The following ROCK2 variants were observed in gnomAD, a reference collection of about 807,000 sequenced individuals.
The protein encoded by ROCK2 is Rho associated coiled-coil containing protein kinase 2, also known as rho-associated protein kinase 2.
A neutral mutation model predicts 195.1 loss-of-function variants in ROCK2; 61 were observed. The observed-to-expected ratio is 0.31, with a 90% CI of 0.25 to 0.39. ROCK2 has a LOEUF of 0.39. Among genes scored for constraint, ROCK2 ranks in the 10% least tolerant of loss-of-function variants. The pLI, the probability that ROCK2 is intolerant of heterozygous loss-of-function variation, is 1.00. For synonymous variants in ROCK2, 504 were observed against 545.5 expected (o/e 0.92, Z 1.06); for missense variants, 1,109 against 1,637.4 (o/e 0.68, Z 5.57).
chr2:11,186,321 T>C (rs1341196628), intron 32 of ROCK2, among the ~76,000 whole-genome samples: 2 of 152,164 alleles, frequency 1.3e-5, no homozygotes, highest in Non-Finnish European at 2.9e-5. Flanking sequence ...GCCTCAGCTT[T>C]AGCATAGGTT....
intron 3 of ROCK2, among the ~76,000 whole-genome samples, chr2:11,251,376 T>C (rs866575632): frequency 2.0e-4 from 31 of 152,382 alleles, no homozygotes; most frequent in African/African-American, 7.2e-4. Context: ...CCAGGCACTG[T>C]GTGTTTTGAT....
At chr2:11,325,311 T>TG (rs1489959869) in intron 1 of ROCK2, among the ~76,000 whole-genome samples, 3 of 152,218 alleles carry the variant, frequency 2.0e-5, no homozygotes, top group Admixed American at 1.3e-4. Flanking sequence ...ACAGGGGTCT[T>TG]GGGGTCTTGG....
At chr2:11,226,430 CTG>C (rs764519942) in intron 6 of ROCK2, among the ~76,000 whole-genome samples, 3 of 152,178 alleles carry the variant, frequency 2.0e-5, no homozygotes, top group Non-Finnish European at 2.9e-5. Context: ...ATGGTAAACA[CTG>C]TATTTATAAT....
At chr2:11,225,949 A>T (rs552674488) in intron 6 of ROCK2, among the ~76,000 whole-genome samples, 2 of 152,338 alleles carry the variant, frequency 1.3e-5, no homozygotes, top group East Asian at 3.9e-4. Flanking sequence ...GCCACAAAAA[A>T]GTTCAAGAGT....
chr2:11,274,889 ATT>A (rs1479747503), intron 3 of ROCK2, among the ~76,000 whole-genome samples: 2 of 152,166 alleles, frequency 1.3e-5, no homozygotes, highest in African/African-American at 4.8e-5. Flanking sequence ...CTATATATAT[ATT>A]ATGTTTTTTC....
intron 4 of ROCK2, among the ~76,000 whole-genome samples, chr2:11,247,093 G>T (rs1665643077): frequency 6.6e-6 from 1 of 152,150 alleles, no homozygotes; most frequent in Admixed American, 6.5e-5. Context: ...CTAGGTGAAA[G>T]ATGTCACAAA....
intron 1 of ROCK2, among the ~76,000 whole-genome samples, chr2:11,288,498 A>G (rs1667266703): frequency 2.0e-5 from 3 of 152,194 alleles, no homozygotes; most frequent in African/African-American, 7.2e-5. Context: ...GAAGAAACAA[A>G]TTAAGGCACA....
intron 27 of ROCK2, among the ~76,000 whole-genome samples, chr2:11,196,214 T>C (rs531169917): frequency 6.6e-6 from 1 of 152,364 alleles, no homozygotes; most frequent in African/African-American, 2.4e-5. Context: ...GCTGTTTTCA[T>C]TTAAACTGTA....
chr2:11,327,633 G>A (rs1288477689), intron 1 of ROCK2, among the ~76,000 whole-genome samples: 1 of 152,190 alleles, frequency 6.6e-6, no homozygotes, highest in East Asian at 1.9e-4. Flanking sequence ...TATAATCTCA[G>A]CTCACTGAAA....
chr2:11,271,447 T>C (rs577676291), intron 3 of ROCK2, among the ~76,000 whole-genome samples: 1 of 152,376 alleles, frequency 6.6e-6, no homozygotes, highest in South Asian at 2.1e-4. Context: ...TGGCAATTTC[T>C]GCTTATGAAT....
chr2:11,215,781 T>C, intron 13 of ROCK2, 136 bp from the exon 14 acceptor site: 1 of 681,980 alleles, frequency 1.5e-6, no homozygotes, highest in Non-Finnish European at 2.4e-6. Context: ...ACTGTAATAA[T>C]GCTTTCTATG....
At chr2:11,342,782 C>T (rs910296083) in intron 1 of ROCK2, among the ~76,000 whole-genome samples, 7 of 152,162 alleles carry the variant, frequency 4.6e-5, no homozygotes, top group African/African-American at 1.7e-4. Context: ...ACATGTGACA[C>T]AATATAGCAC....
intron 3 of ROCK2, among the ~76,000 whole-genome samples, chr2:11,284,433 G>C (rs1572359626): frequency 6.6e-6 from 1 of 152,156 alleles, no homozygotes; most frequent in Admixed American, 6.5e-5. Context: ...AGCATCAGTT[G>C]TAACAAATGT....
intron 1 of ROCK2, among the ~76,000 whole-genome samples, chr2:11,324,473 C>A (rs773405830): frequency 3.3e-5 from 5 of 152,054 alleles, no homozygotes; most frequent in Non-Finnish European, 5.9e-5. Context: ...ACACAAAAAC[C>A]TGCACACAAA....
At chr2:11,255,228 A>C (rs932743285) in intron 3 of ROCK2, among the ~76,000 whole-genome samples, 4 of 150,016 alleles carry the variant, frequency 2.7e-5, no homozygotes, top group African/African-American at 1.0e-4. Context: ...AAAAAAAAAA[A>C]AAAAAAAAAC....
chr2:11,339,694 T>C (rs1669044876), intron 1 of ROCK2, among the ~76,000 whole-genome samples: 1 of 152,080 alleles, frequency 6.6e-6, no homozygotes, highest in South Asian at 2.1e-4. Flanking sequence ...AAAGAATACA[T>C]AAAAATGCTG....
At chr2:11,238,937 T>G (rs577377323) in intron 4 of ROCK2, among the ~76,000 whole-genome samples, 4 of 152,060 alleles carry the variant, frequency 2.6e-5, no homozygotes, top group African/African-American at 9.7e-5. Context: ...ATCAATAAAT[T>G]TGTTGACAAA....
In ROCK2 at chr2:11,255,718, G is replaced by T. The variant is rs181694506; in HGVS notation, c.325-5920C>A. On this transcript the variant is annotated intron_variant, in intron 3 of 32. Coordinates refer to ENST00000315872, the MANE Select transcript of ROCK2 (RefSeq NM_004850.5). Reference sequence around the variant, plus strand: ...GCGGATCACTTGAGGTCAGGAGTTCGAGACCAGCCTGGCCAACATGGTGAA... The same window carrying T: ...GCGGATCACTTGAGGTCAGGAGTTCTAGACCAGCCTGGCCAACATGGTGAA... Among the ~76,000 whole-genome samples, 508 of 150,620 alleles carry T rather than the reference G, an allele frequency of 3.4e-3. 27 individuals carry two copies. Among genetic ancestry groups the T allele is most frequent in the African/African-American group, 0.011 (455 of 40,286 alleles).
chr2:11,283,564 T>A, intron 3 of ROCK2, among the ~76,000 whole-genome samples: 2 of 29,202 alleles, frequency 6.8e-5, no homozygotes, highest in Non-Finnish European at 1.9e-4. Context: ...CGAGACTCCG[T>A]CTCAAAAAAA....
Sources: allele counts gnomAD v4.1 joint callset (sites outside exome capture counted in the v4.1 genomes callset), GRCh38; gene constraint gnomAD v4.1.1; transcripts MANE v1.5; gene names NCBI Gene and HGNC (gene_info 2026-07-23, HGNC 2026-07-21).